FCER1A: variants seen among roughly 807,000 people sequenced by gnomAD.
FCER1A encodes the protein Fc epsilon receptor Ia.
FCER1A carries 24 observed loss-of-function variants against 23.6 expected under a neutral mutation model. The observed-to-expected ratio is 1.02, with a 90% CI of 0.74 to 1.43. The LOEUF is 1.43. FCER1A is among the 40% of genes most tolerant of loss of function. FCER1A has a pLI of 0.00. For synonymous variants in FCER1A, 121 were observed against 108.8 expected (o/e 1.11, Z -0.70); for missense variants, 318 against 294.5 (o/e 1.08, Z -0.58).
chr1:159,304,047 C>T lies in FCER1A; in HGVS notation c.196C>T (p.His66Tyr). 6.2e-7 allele frequency: 1 copy of T among 1,614,098 alleles called. No individual in the cohort carries two copies. The highest frequency in any genetic ancestry group is 8.5e-7 in the Non-Finnish European group (1 of 1,180,000). Residue 66 changes from histidine to tyrosine, a missense_variant, in exon 3 of 5, where the codon CAC becomes TAC. His to Tyr is a moderately conservative substitution (Grantham distance 83). Transcript: ENST00000693622. ...TGAAGTCAGTTCCACCAAATGGTTC[C>T]ACAATGGCAGCCTTTCAGAAGAGAC... ...FFEVSSTKWF[H>Y]NGSLSEETNS...
At chr1:159,305,838 G>A (rs993808003) in intron 3 of FCER1A, 150 bp from the exon 4 acceptor site, 2 of 660,556 alleles carry the variant, frequency 3.0e-6, no homozygotes, top group Middle Eastern at 4.2e-4. Context: ...ATTATTTTGT[G>A]CCCTTTAAAA....
rs772507706 is a variant in FCER1A at position 159,305,955 on chromosome 1, T to C, written c.332-33T>C. 22 of 1,595,998 alleles carry C rather than the reference T, an allele frequency of 1.4e-5. No individual in the cohort carries two copies. In the African/African-American group the frequency reaches 3.0e-4, roughly 22 times the overall value. On this transcript the variant is annotated intron_variant, in intron 3 of 4. Transcript: ENST00000693622. ...ATTCATTCTCTCTCTCTTCATTTAT[T>C]GTTAAATAAATAATGTAATGAATGT...
chr1:159,287,994 A>G (rs760426095), upstream of FCER1A, among the ~76,000 whole-genome samples: 16 of 152,180 alleles, frequency 1.1e-4, no homozygotes, highest in South Asian at 1.5e-3. Flanking sequence ...ATTGACTTCA[A>G]TGAGGATGTG....
the FCER1A span, among the ~76,000 whole-genome samples, chr1:159,283,727 T>G: frequency 7.2e-5 from 11 of 152,184 alleles, no homozygotes; most frequent in African/African-American, 1.2e-4. Context: ...TCCTGAGGCT[T>G]GGGACATTGG....
At chr1:159,296,102 T>C (rs12136904) in intron 1 of FCER1A, among the ~76,000 whole-genome samples, 5,497 of 152,290 alleles carry the variant, frequency 0.036, 109 homozygotes, top group Middle Eastern at 0.092. Flanking sequence ...AATTTTATAA[T>C]GTTTATGTCA....
chr1:159,302,742 G>A, intron 1 of FCER1A, 112 bp from the exon 2 acceptor site: 2 of 950,420 alleles, frequency 2.1e-6, no homozygotes, highest in Admixed American at 1.8e-5. Context: ...TGAAAAGACG[G>A]TTGGTCCTTA....
chr1:159,299,811 T>C (rs1309245439), upstream of FCER1A, among the ~76,000 whole-genome samples: 2 of 152,074 alleles, frequency 1.3e-5, no homozygotes, highest in African/African-American at 4.8e-5. Flanking sequence ...CATTCAACTG[T>C]GTATCAGCCC....
At chr1:159,288,260 G>T (rs1350477274), upstream of FCER1A, among the ~76,000 whole-genome samples, 11 of 152,210 alleles carry the variant, frequency 7.2e-5, no homozygotes, top group Non-Finnish European at 1.5e-5. Flanking sequence ...GTCAGCTCCA[G>T]TGAGTTTACC....
upstream of FCER1A, chr1:159,289,708 C>A (rs1045950996): frequency 2.0e-5 from 3 of 152,090 alleles, no homozygotes; most frequent in South Asian, 6.2e-4. Context: ...GTTCAAAATT[C>A]TTTTCAGTCT....
rs778933110 is a variant in FCER1A at position 159,306,215 on chromosome 1, T to G, written c.559T>G (p.Ser187Ala). Reference sequence around the variant, plus strand: ...CAAAGTGTGGCAGCTGGACTATGAGTCTGAGCCCCTCAACATTACTGTAAT... The same window carrying G: ...CAAAGTGTGGCAGCTGGACTATGAGGCTGAGCCCCTCAACATTACTGTAAT... ...TGKVWQLDYE[S>A]EPLNITVIKA... is the part of the protein sequence containing the mutation. Residue 187 changes from serine (S) to alanine (A), a missense_variant, in exon 4 of 5, where the codon TCT (serine) becomes GCT (alanine). Physicochemically the swap from Ser to Ala is moderately conservative, Grantham distance 99. Transcript: ENST00000693622. 6.2e-7 allele frequency: 1 copy of G among 1,613,914 alleles called. No homozygotes were observed. Among genetic ancestry groups the G allele is most frequent in the South Asian group, 1.1e-5 (1 of 91,062 alleles).
At chr1:159,290,975 A>AT (rs568037307) in intron 1 of FCER1A, among the ~76,000 whole-genome samples, 44 of 152,296 alleles carry the variant, frequency 2.9e-4, no homozygotes, top group Non-Finnish European at 5.6e-4. Flanking sequence ...GATATAATGC[A>AT]TTTTTCTGTA....
intron 1 of FCER1A, among the ~76,000 whole-genome samples, chr1:159,295,135 A>T (rs1652261491): frequency 6.6e-6 from 1 of 152,108 alleles, no homozygotes; most frequent in South Asian, 2.1e-4. Flanking sequence ...CTTCTAATTA[A>T]CTCTTGCCCC....
chr1:159,293,170 G>C (rs1371839591), intron 1 of FCER1A, among the ~76,000 whole-genome samples: 1 of 63,926 alleles, frequency 1.6e-5, no homozygotes, highest in Non-Finnish European at 3.8e-5. Flanking sequence ...CATACACACT[G>C]TGTGTGTGTG....
rs1308461866 is a variant in FCER1A at position 159,291,577 on chromosome 1, C to G, written c.-60+1824C>G. On this transcript the variant is annotated intron_variant, in intron 1 of 5. Transcript: ENST00000368115. ...AATTGAATGAGTGAAAGCCACTTCTCTCTTCTTGATTATGCAAGGGCTTAA... is the reference window on the plus strand; with the variant it reads ...AATTGAATGAGTGAAAGCCACTTCTGTCTTCTTGATTATGCAAGGGCTTAA... Among the ~76,000 whole-genome samples the G allele has an allele frequency of 2.0e-5, 3 of 152,178 alleles. No homozygotes were observed. In the East Asian group the frequency reaches 5.8e-4, roughly 29 times the overall value.
At chr1:159,287,182 G>T (rs987525832), upstream of FCER1A, among the ~76,000 whole-genome samples, 9 of 152,212 alleles carry the variant, frequency 5.9e-5, no homozygotes, top group Admixed American at 5.9e-4. Context: ...TGGCTTCTGA[G>T]AGGACAAGAA....
At chr1:159,290,382 C>A (rs973840522) in intron 1 of FCER1A, among the ~76,000 whole-genome samples, 10 of 152,206 alleles carry the variant, frequency 6.6e-5, no homozygotes, top group African/African-American at 2.4e-4. Flanking sequence ...CCTTTTCCTG[C>A]AAACCCTAGC....
intron 1 of FCER1A, among the ~76,000 whole-genome samples, chr1:159,294,863 T>TA (rs1286499548): frequency 6.6e-6 from 1 of 152,150 alleles, no homozygotes; most frequent in Non-Finnish European, 1.5e-5. Context: ...AAGTATATTA[T>TA]AAAAAACACT....
At chr1:159,295,414 T>C (rs1308923380) in intron 1 of FCER1A, among the ~76,000 whole-genome samples, 1 of 152,190 alleles carries the variant, frequency 6.6e-6, no homozygotes. Flanking sequence ...CAATTTTTGG[T>C]TATGAAATGG....
chr1:159,291,310 A>G (rs1376257555), intron 1 of FCER1A, among the ~76,000 whole-genome samples: 1 of 152,168 alleles, frequency 6.6e-6, no homozygotes, highest in Non-Finnish European at 1.5e-5. Context: ...TCCTAGATTT[A>G]CTGTTAATTT....
Sources: gnomAD v4.1 joint callset for allele counts (sites outside exome capture counted in the v4.1 genomes callset) on GRCh38, gnomAD v4.1.1 for gene constraint, MANE v1.5 for transcripts, NCBI Gene and HGNC (gene_info 2026-07-23, HGNC 2026-07-21) for gene names.